The following RAB43 variants were observed in gnomAD, a reference collection of about 807,000 sequenced individuals.
The protein encoded by RAB43 is RAB43, member RAS oncogene family.
RAB43 carries 6 observed loss-of-function variants against 18.8 expected under a neutral mutation model. The observed-to-expected ratio is 0.32, with a 90% CI of 0.17 to 0.63. The LOEUF is 0.63. RAB43 is among the 30% of genes least tolerant of loss of function. The pLI is 0.79. For synonymous variants in RAB43, 103 were observed against 124.1 expected, an observed-to-expected ratio of 0.83 and a Z score of 1.13; for missense variants, 195 against 289.1, an observed-to-expected ratio of 0.67 and a Z score of 2.36.
chr3:129,094,937 G>A, intron 2 of RAB43, 49 bp downstream of exon 2: 1 of 1,579,062 alleles, frequency 6.3e-7, no homozygotes, highest in Non-Finnish European at 8.6e-7. Context: ...AGGGAGGCAT[G>A]GACAGGCAGA....
chr3:129,105,844 ACCT>A (rs1934749607), intron 1 of RAB43, among the ~76,000 whole-genome samples: 2 of 151,874 alleles, frequency 1.3e-5, no homozygotes, highest in Admixed American at 6.6e-5. Context: ...GTGGAAATTG[ACCT>A]CGGGCTACCA....
chr3:129,117,799 C>T (rs1170310493), intron 1 of RAB43, among the ~76,000 whole-genome samples: 1 of 152,174 alleles, frequency 6.6e-6, no homozygotes, highest in Admixed American at 6.5e-5. Context: ...TAGGAGCCAG[C>T]CAAACCCTTG....
chr3:129,094,658 G>A (rs56867869), intron 2 of RAB43, among the ~76,000 whole-genome samples: 11,341 of 151,270 alleles, frequency 0.075, 1,419 homozygotes, highest in African/African-American at 0.26. Context: ...GGGACTACAG[G>A]CGCCTGCCAC....
At chr3:129,094,505 CTTTT>C (rs200896936) in intron 2 of RAB43, among the ~76,000 whole-genome samples, 10 of 69,144 alleles carry the variant, frequency 1.4e-4, no homozygotes, top group East Asian at 4.5e-4. Flanking sequence ...ATATAACTTT[CTTTT>C]TTTTTTTTTT....
At chr3:129,114,336 G>A (rs1160266219) in intron 1 of RAB43, among the ~76,000 whole-genome samples, 1 of 152,154 alleles carries the variant, frequency 6.6e-6, no homozygotes, top group African/African-American at 2.4e-5. Context: ...TGTGTTTGCG[G>A]TAGTAGGAGA....
At chr3:129,091,989 C>T (rs1933694401) in intron 2 of RAB43, among the ~76,000 whole-genome samples, 2 of 146,022 alleles carry the variant, frequency 1.4e-5, no homozygotes, top group Admixed American at 7.1e-5. Context: ...GAGTGGCAAG[C>T]GGAGGTTGCA....
intron 2 of RAB43, among the ~76,000 whole-genome samples, chr3:129,092,227 G>T (rs1229450365): frequency 6.6e-6 from 1 of 152,134 alleles, no homozygotes; most frequent in East Asian, 1.9e-4. Context: ...TCTGAATACA[G>T]ACTGGCTATT....
intron 1 of RAB43, among the ~76,000 whole-genome samples, chr3:129,111,503 C>CT (rs1039942926): frequency 3.9e-5 from 4 of 102,872 alleles, no homozygotes; most frequent in African/African-American, 1.5e-4. Flanking sequence ...GATAGAGACT[C>CT]TGTCTCAAAA....
In RAB43 at chr3:129,114,984, C is replaced by T. The variant is rs188446568; in HGVS notation, c.204+6302G>A. On this transcript the variant is annotated intron_variant, in intron 1 of 2. Transcript: ENST00000315150. Reference sequence around the variant, plus strand: ...CAAGCTTCCTGACCCCCACCCCCCGCAATCCACTCTCTCTCATCAGGTGGT... The same window carrying T: ...CAAGCTTCCTGACCCCCACCCCCCGTAATCCACTCTCTCTCATCAGGTGGT... 1.4e-3 allele frequency among the ~76,000 whole-genome samples: 218 copies of T among 152,150 alleles called. 1 individual carries two copies. The highest frequency in any genetic ancestry group is 5.4e-3 in the South Asian group (26 of 4,810).
intron 1 of RAB43, among the ~76,000 whole-genome samples, chr3:129,120,617 A>G (rs1269405493): frequency 6.6e-6 from 1 of 152,192 alleles, no homozygotes; most frequent in African/African-American, 2.4e-5. Context: ...CCATTGCCAA[A>G]GCTTGGTTCT....
intron 1 of RAB43, among the ~76,000 whole-genome samples, chr3:129,113,631 G>A (rs1339763342): frequency 6.6e-6 from 1 of 152,168 alleles, no homozygotes; most frequent in Non-Finnish European, 1.5e-5. Context: ...GGAGATTTGC[G>A]AGGCAAACTG....
intron 1 of RAB43, among the ~76,000 whole-genome samples, chr3:129,109,797 T>C (rs1685824511): frequency 6.6e-6 from 1 of 151,748 alleles, no homozygotes; most frequent in Non-Finnish European, 1.5e-5. Context: ...CTAAGTAACT[T>C]GGTACATAAT....
intron 2 of RAB43, 152 bp downstream of exon 2, chr3:129,094,834 A>T: frequency 9.1e-7 from 1 of 1,094,016 alleles, no homozygotes; most frequent in Non-Finnish European, 1.3e-6. Flanking sequence ...TAACTTTCTA[A>T]GTGATTAGCA....
At chr3:129,117,614 C>CT (rs1336559632) in intron 1 of RAB43, among the ~76,000 whole-genome samples, 1 of 152,222 alleles carries the variant, frequency 6.6e-6, no homozygotes, top group African/African-American at 2.4e-5. Context: ...CCCTAAAACT[C>CT]TTTAACTGTC....
In RAB43 at chr3:129,107,494, G is replaced by C. The variant is rs1379728312; in HGVS notation, c.205-12325C>G. Reference sequence around the variant, plus strand: ...ACCCAAACACCTTGCTTGCTTGCAGGCTCCTTTCAGCACCAGGGAAACATT... The same window carrying C: ...ACCCAAACACCTTGCTTGCTTGCAGCCTCCTTTCAGCACCAGGGAAACATT... On this transcript the variant is annotated intron_variant, in intron 1 of 2. Coordinates refer to ENST00000315150, the MANE Select transcript of RAB43 (RefSeq NM_198490.3). This position sits in a 1 kb window ranked among gnomAD's most constrained non-coding sequence, Gnocchi z 4.2. Among the ~76,000 whole-genome samples the C allele has an allele frequency of 6.6e-6, 1 of 152,054 alleles. No homozygotes were observed. Among genetic ancestry groups the C allele is most frequent in the African/African-American group, 2.4e-5 (1 of 41,398 alleles).
intron 1 of RAB43, among the ~76,000 whole-genome samples, chr3:129,119,386 C>T (rs993860587): frequency 2.0e-5 from 3 of 152,072 alleles, no homozygotes; most frequent in Non-Finnish European, 4.4e-5. Flanking sequence ...CCACAGACAA[C>T]GGGATTCTGA....
At chr3:129,097,168 G>C (rs1243778362) in intron 1 of RAB43, among the ~76,000 whole-genome samples, 2 of 152,052 alleles carry the variant, frequency 1.3e-5, no homozygotes. Flanking sequence ...AGGAGAGCAG[G>C]ATAATCAGAG....
rs891740487 is a variant in RAB43 at position 129,095,495 on chromosome 3, C to T, written c.205-326G>A. Among the ~76,000 whole-genome samples, 11 of 152,212 alleles carry T rather than the reference C, an allele frequency of 7.2e-5. No individual in the cohort carries two copies. The highest frequency in any genetic ancestry group is 2.7e-4 in the African/African-American group (11 of 41,448). On this transcript the variant is annotated intron_variant, in intron 1 of 2. Coordinates refer to ENST00000315150, the MANE Select transcript of RAB43 (RefSeq NM_198490.3). This position sits in a 1 kb window ranked among gnomAD's most constrained non-coding sequence, Gnocchi z 4.2. ...GCCCACTGCTGCGAAAACAGAACCA[C>T]CAGTGCTCAAGCGGCCGGCGGCTGG...
At chr3:129,116,662 AAAT>A (rs1238184672) in intron 1 of RAB43, among the ~76,000 whole-genome samples, 15 of 152,350 alleles carry the variant, frequency 9.8e-5, no homozygotes, top group African/African-American at 3.4e-4. Context: ...AAAGGTCCTG[AAAT>A]CTGGAGGTCC....
Sources: allele counts gnomAD v4.1 joint callset (sites outside exome capture counted in the v4.1 genomes callset), GRCh38; gene constraint gnomAD v4.1.1; non-coding constraint Gnocchi (gnomAD v3.1); transcripts MANE v1.5; gene names NCBI Gene and HGNC (gene_info 2026-07-23, HGNC 2026-07-21).